MIB2: variants seen among roughly 807,000 people sequenced by gnomAD.
The protein encoded by MIB2 is MIB E3 ubiquitin protein ligase 2, also known as E3 ubiquitin-protein ligase MIB2.
MIB2 carries 78 observed loss-of-function variants against 96.6 expected under a neutral mutation model. The observed-to-expected ratio is 0.81, with a 90% CI of 0.67 to 0.97. MIB2 has a LOEUF of 0.97. Among genes scored for constraint, MIB2 ranks in the 50% least tolerant of loss-of-function variants. The pLI is 0.00. For missense variants in MIB2, 1,543 were observed against 1,424.0 expected (o/e 1.08, Z -1.35); for synonymous variants, 820 against 629.5 (o/e 1.30, Z -4.53).
chr1:1,629,572 TGGGGGGCCCCGGGGTG>T lies in MIB2; in HGVS notation c.2563+10_2563+25del. ...GCACCGCACCGTGTGTGAGGGTGAG[TGGGGGGCCCCGGGGTG>T]GGGAGGCCCGGCTAGTAGGGCCGCA... is the stretch of plus-strand genomic sequence containing the variant. On this transcript the variant is annotated splice_region_variant and intron_variant, in intron 18 of 19. Coordinates refer to ENST00000355826, the MANE Select transcript of MIB2 (RefSeq NM_001170687.4). The T allele has an allele frequency of 6.4e-7, 1 of 1,555,292 alleles. No homozygotes were observed. The highest frequency in any genetic ancestry group is 1.9e-5 in the Admixed American group (1 of 52,506).
Position 1,628,675 on chromosome 1 carries a change from G to A in MIB2, c.2155G>A (p.Ala719Thr). 6.3e-7 allele frequency: 1 copy of A among 1,580,960 alleles called. No individual in the cohort carries two copies. Among genetic ancestry groups the A allele is most frequent in the Non-Finnish European group, 8.6e-7 (1 of 1,166,178 alleles). ...GCGTCATCAGCTGCTGCCCCTGGTG[G>A]CTGATGGGGCCGGGGGGGACCCAGG... ...LQRHQLLPLV[A>T]DGAGGDPGPL... The change falls in exon 16 of 20, where the codon GCT (alanine) becomes ACT (threonine). Residue 719 changes from alanine (A) to threonine (T), a missense_variant. By Grantham distance (58) the Ala-to-Thr change is moderately conservative. Coordinates refer to ENST00000355826, the MANE Select transcript of MIB2 (RefSeq NM_001170687.4).
intron 4 of MIB2, 66 bp from the exon 5 acceptor site, chr1:1,624,727 CAA>C (rs987547346): frequency 6.9e-7 from 1 of 1,443,512 alleles, no homozygotes; most frequent in Non-Finnish European, 9.5e-7. Context: ...ATCGCTCTCC[CAA>C]GTGGCTCAAG....
rs896759294 is a variant in MIB2 at position 1,626,561 on chromosome 1, G to C, written c.973-89G>C. On this transcript the variant is annotated intron_variant, in intron 8 of 19. Coordinates refer to ENST00000355826, the MANE Select transcript of MIB2 (RefSeq NM_001170687.4). This position sits in a 1 kb window ranked among gnomAD's most constrained non-coding sequence, Gnocchi z 5.3. ...GGGCCGAGTCAGGCCTGCCTGTCTCGTGGAGCTCAGCAGGTTGCCCTCCTG... is the reference window on the plus strand; with the variant it reads ...GGGCCGAGTCAGGCCTGCCTGTCTCCTGGAGCTCAGCAGGTTGCCCTCCTG... The C allele has an allele frequency of 8.7e-7, 1 of 1,150,370 alleles. No homozygotes were observed. The highest frequency in any genetic ancestry group is 2.9e-5 in the Admixed American group (1 of 34,822). The allele number at this position is 1,150,370 out of a possible 1,614,324, so 71.3% of individuals were successfully genotyped here.
At chr1:1,621,026 G>T (rs886761537) in intron 2 of MIB2, among the ~76,000 whole-genome samples, 1 of 152,266 alleles carries the variant, frequency 6.6e-6, no homozygotes. Context: ...TGCTGGGCGG[G>T]TCCTCGGGAC....
At chr1:1,630,231 T>A (rs1434426559) in intron 19 of MIB2, 61 bp from the exon 20 acceptor site, 2 of 138,248 alleles carry the variant, frequency 1.4e-5, no homozygotes, top group African/African-American at 1.8e-4. Context: ...CCCCCGCAGC[T>A]CCCTGCTCCC....
intron 2 of MIB2, 135 bp from the exon 3 acceptor site, chr1:1,623,296 C>T: frequency 7.1e-7 from 1 of 1,407,620 alleles, no homozygotes; most frequent in East Asian, 2.7e-5. Context: ...CTTGAACCAG[C>T]CTGCCTGCCC....
intron 4 of MIB2, 132 bp downstream of exon 4, chr1:1,624,077 C>G (rs1476556886): frequency 8.5e-7 from 1 of 1,173,174 alleles, no homozygotes; most frequent in Non-Finnish European, 1.2e-6. Flanking sequence ...AGAGCCGTGG[C>G]CTTAAGCAGT....
chr1:1,626,900 G>A lies in MIB2; in HGVS notation c.1141G>A (p.Ala381Thr), dbSNP rs766602333. ...AGACGGGAACCTGCGTGTAGCAGTC[G>A]CTGGTCAGCGGTGGACCTTCAGCCC... ...FGDGNLRVAV[A>T]GQRWTFSPSC... Residue 381 changes from alanine (A) to threonine (T), a missense_variant, in exon 10 of 20, where the codon GCT becomes ACT. By Grantham distance (58) the Ala-to-Thr change is moderately conservative. Transcript: ENST00000355826. The surrounding 1 kb of genome is among the most constrained non-coding windows in gnomAD (Gnocchi z 5.3). The A allele has an allele frequency of 1.9e-6, 3 of 1,607,932 alleles. No individual in the cohort carries two copies. The highest frequency in any genetic ancestry group is 1.1e-5 in the South Asian group (1 of 90,960).
chr1:1,617,617 G>C (rs1303672691), intron 2 of MIB2: 1 of 152,196 alleles, frequency 6.6e-6, no homozygotes, highest in Admixed American at 6.5e-5. Flanking sequence ...AGTGGCTTTA[G>C]CTTCCAACAG....
chr1:1,624,697 CAG>C (rs1016896434), intron 4 of MIB2, 96 bp from the exon 5 acceptor site: 8 of 1,156,318 alleles, frequency 6.9e-6, no homozygotes, highest in African/African-American at 6.1e-5. Context: ...GCTGGGTGGA[CAG>C]GGGGCCTGCT....
In MIB2 at chr1:1,616,601, G is replaced by A. The variant is rs780972186; in HGVS notation, c.-36G>A. 42 of 1,594,538 alleles carry A rather than the reference G, an allele frequency of 2.6e-5. No homozygotes were observed. Among genetic ancestry groups the A allele is most frequent in the Non-Finnish European group, 2.6e-6 (3 of 1,170,372 alleles). ...CCTCAAGGCGGCCCGGCGGGCGACT[G>A]GACGGCCGGACAGGTGAGCTCTTGA... On this transcript the variant is annotated 5_prime_UTR_variant, in exon 2 of 20. Coordinates refer to ENST00000355826, the MANE Select transcript of MIB2 (RefSeq NM_001170687.4).
chr1:1,627,875 T>G (rs1274146996), intron 13 of MIB2, 46 bp downstream of exon 13: 5 of 1,587,032 alleles, frequency 3.2e-6, no homozygotes, highest in Non-Finnish European at 4.3e-6. Context: ...CGTGAGTGCT[T>G]GTCCCTGGCC....
upstream of MIB2, chr1:1,615,264 C>T: frequency 8.5e-7 from 1 of 1,175,078 alleles, no homozygotes; most frequent in Non-Finnish European, 1.1e-6. Flanking sequence ...GCCGCCAGTG[C>T]CAGCGAGCGC....
At position 1,630,555 on chromosome 1, in the gene MIB2, C is replaced by A; in HGVS notation, c.*25C>A. Reference sequence around the variant, plus strand: ...AGCCGCGCCGTCCGCCGCGCCCGAGCTGCCTTCGCGTGCCCCCGCCCTGTG... The same window carrying A: ...AGCCGCGCCGTCCGCCGCGCCCGAGATGCCTTCGCGTGCCCCCGCCCTGTG... On this transcript the variant is annotated 3_prime_UTR_variant, in exon 20 of 20. Coordinates refer to ENST00000355826, the MANE Select transcript of MIB2 (RefSeq NM_001170687.4). 1 of 1,516,430 alleles carries A rather than the reference C, an allele frequency of 6.6e-7. No homozygotes were observed. Among genetic ancestry groups the A allele is most frequent in the Non-Finnish European group, 8.8e-7 (1 of 1,133,160 alleles). The allele number at this position is 1,516,430 out of a possible 1,614,324, so 93.9% of individuals were successfully genotyped here. A position where few individuals can be genotyped will look rare whatever the true frequency, so the allele number is the denominator to read the frequency against.
chr1:1,615,347 G>C (rs1431527577), upstream of MIB2: 2 of 1,396,578 alleles, frequency 1.4e-6, no homozygotes, highest in Non-Finnish European at 1.8e-6. Flanking sequence ...CAGGCGCCCG[G>C]AGGCTAAGCC....
Position 1,626,173 on chromosome 1 carries a change from G to T in MIB2, c.973-477G>T. 5.1e-6 allele frequency: 1 copy of T among 196,940 alleles called. No homozygotes were observed. Among genetic ancestry groups the T allele is most frequent in the Non-Finnish European group, 1.0e-5 (1 of 96,342 alleles). The allele number at this position is 196,940 out of a possible 1,614,324, so 12.2% of individuals were successfully genotyped here. A position where few individuals can be genotyped will look rare whatever the true frequency, so the allele number is the denominator to read the frequency against. ...AGCGTCAGAGCTCAGCTCTGGATCTGGGGTCCTGGATACCAGGCACCTTTG... is the reference window on the plus strand; with the variant it reads ...AGCGTCAGAGCTCAGCTCTGGATCTTGGGTCCTGGATACCAGGCACCTTTG... On this transcript the variant is annotated intron_variant, in intron 8 of 19. Transcript: ENST00000355826. The surrounding 1 kb of genome is among the most constrained non-coding windows in gnomAD (Gnocchi z 5.3).
upstream of MIB2, chr1:1,615,270 A>G (rs1557540316): frequency 2.2e-5 from 27 of 1,214,146 alleles, no homozygotes; most frequent in South Asian, 4.8e-4. Context: ...AGTGCCAGCG[A>G]GCGCGACGTC....
chr1:1,629,622 C>A lies in MIB2; in HGVS notation c.2564-17C>A. On this transcript the variant is annotated splice_polypyrimidine_tract_variant and intron_variant, in intron 18 of 19. Coordinates refer to ENST00000355826, the MANE Select transcript of MIB2 (RefSeq NM_001170687.4). ...CGGCTAGTAGGGCCGCAGCCAACCG[C>A]GCTCTCCTCTTCGCAGAGTGCGCGC... The A allele has an allele frequency of 1.3e-6, 2 of 1,577,446 alleles. No individual in the cohort carries two copies. Among genetic ancestry groups the A allele is most frequent in the Non-Finnish European group, 1.7e-6 (2 of 1,162,412 alleles).
At chr1:1,613,892 G>C (rs1434877691), upstream of MIB2, 1 of 152,040 alleles carries the variant, frequency 6.6e-6, no homozygotes, top group Non-Finnish European at 1.5e-5. Flanking sequence ...GGAAGTGATC[G>C]GTCTAGGTCG....
Sources: gnomAD v4.1 joint callset for allele counts (sites outside exome capture counted in the v4.1 genomes callset) on GRCh38, gnomAD v4.1.1 for gene constraint, Gnocchi (gnomAD v3.1) non-coding constraint, MANE v1.5 for transcripts, NCBI Gene and HGNC (gene_info 2026-07-23, HGNC 2026-07-21) for gene names.